PNPLA1: variants seen among roughly 807,000 people sequenced by gnomAD.
PNPLA1 encodes patatin like domain 1, omega-hydroxyceramide transacylase.
PNPLA1 carries 36 observed loss-of-function variants against 51.7 expected under a neutral mutation model. The ratio of observed to expected loss-of-function variants is 0.70; its 90% CI spans 0.53 to 0.92. The LOEUF is 0.92. PNPLA1 is among the 40% of genes least tolerant of loss of function. The probability of loss-of-function intolerance (pLI) is 0.00; values close to 1 mark genes in which losing one functional copy is unlikely to be tolerated. For synonymous variants in PNPLA1, 293 were observed against 280.1 expected (o/e 1.05, Z -0.46); for missense variants, 658 against 682.5 (o/e 0.96, Z 0.40).
Position 36,291,297 on chromosome 6 carries a change from C to G in PNPLA1, c.206-23C>G, listed in dbSNP as rs1465948884. The G allele has an allele frequency of 6.9e-6, 11 of 1,605,412 alleles. No individual in the cohort carries two copies. In the East Asian group the frequency reaches 2.2e-4, roughly 33 times the overall value. ...GGCCACTGGGTGGCACCGACCACCCCCTCTTCTCTGCTTCCTTTGCAGATG... is the reference window on the plus strand; with the variant it reads ...GGCCACTGGGTGGCACCGACCACCCGCTCTTCTCTGCTTCCTTTGCAGATG... On this transcript the variant is annotated intron_variant, in intron 1 of 8. Transcript: ENST00000636260.
chr6:36,282,000 G>A (rs1314203776), intron 1 of PNPLA1, among the ~76,000 whole-genome samples: 1 of 146,098 alleles, frequency 6.8e-6, no homozygotes, highest in Non-Finnish European at 1.5e-5. Flanking sequence ...TCCAGCCTGG[G>A]CAATAAAAGT....
chr6:36,260,485 A>T (rs1278591809), intron 1 of PNPLA1, among the ~76,000 whole-genome samples: 4 of 152,240 alleles, frequency 2.6e-5, no homozygotes, highest in African/African-American at 4.8e-5. Flanking sequence ...AATCAGAAAC[A>T]CATTCACATG....
rs74565753 is a variant in PNPLA1, at chr6:36,252,704, G to A, written c.-81+9443G>A. On this transcript the variant is annotated intron_variant, in intron 1 of 7. Coordinates refer to the PNPLA1 transcript ENST00000312917. ...GAGGACTCAGGGGAAGCCTCGTGGA[G>A]AGGACAGGACATGAAGCATGGCTGA... Among the ~76,000 whole-genome samples, 534 of 152,322 alleles carry A rather than the reference G, an allele frequency of 3.5e-3. 4 individuals carry two copies. The highest frequency in any genetic ancestry group is 0.016 in the South Asian group (75 of 4,828).
rs1771278671 is a variant in PNPLA1 at position 36,307,587 on chromosome 6, G to C, written c.1470G>C (p.Thr490=). The C allele has an allele frequency of 6.2e-7, 1 of 1,613,294 alleles. No homozygotes were observed. Among genetic ancestry groups the C allele is most frequent in the Non-Finnish European group, 8.5e-7 (1 of 1,179,616 alleles). ...CCATCTACTTAATCTCTTTGCCTAG[G>C]GAGAGCCCTGCTGAAGACTCAAACT... is the stretch of plus-strand genomic sequence containing the variant. ...VKETVSKPYV[T]ESPAEDSNWV... is the part of the protein sequence containing the mutation. Residue 490 remains threonine, a splice_region_variant and synonymous_variant, in exon 8 of 9, where the codon ACG becomes ACC. Coordinates refer to ENST00000636260, the MANE Select transcript of PNPLA1 (RefSeq NM_001374623.1).
intron 5 of PNPLA1, among the ~76,000 whole-genome samples, chr6:36,298,252 A>T (rs1170121377): frequency 6.6e-6 from 1 of 152,182 alleles, no homozygotes; most frequent in Non-Finnish European, 1.5e-5. Context: ...GTTGATGGAC[A>T]TTTAGGTTAT....
At position 36,294,645 on chromosome 6, in the gene PNPLA1, T is replaced by C. The variant is rs1156918023; in HGVS notation, c.714+246T>C. Among the ~76,000 whole-genome samples the C allele has an allele frequency of 6.6e-6, 1 of 152,134 alleles. No homozygotes were observed. Among genetic ancestry groups the C allele is most frequent in the Non-Finnish European group, 1.5e-5 (1 of 68,018 alleles). On this transcript the variant is annotated intron_variant, in intron 4 of 8. Transcript: ENST00000636260. This position sits in a 1 kb window ranked among gnomAD's most constrained non-coding sequence, Gnocchi z 4.2. Reference sequence around the variant, plus strand: ...AGCGAGATGATGCCAGAAGTGCTGATAGAAATATTAACTGAACCCATCCAT... The same window carrying C: ...AGCGAGATGATGCCAGAAGTGCTGACAGAAATATTAACTGAACCCATCCAT...
At chr6:36,265,089 C>T (rs534442282), upstream of PNPLA1, among the ~76,000 whole-genome samples, 13 of 152,242 alleles carry the variant, frequency 8.5e-5, no homozygotes, top group South Asian at 8.3e-4. Context: ...GTCTGTAATC[C>T]GAGCATTTTG....
chr6:36,301,506 G>A (rs1435931570), intron 5 of PNPLA1, among the ~76,000 whole-genome samples: 1 of 151,424 alleles, frequency 6.6e-6, no homozygotes, highest in Non-Finnish European at 1.5e-5. Context: ...TCCCTCTGCT[G>A]AAACACCCTC....
rs760745521 is a variant in PNPLA1, at chr6:36,295,427, A to T, written c.775+3A>T. ...AGTTTTGTACTTGAGGCGGCTGAGT[A>T]AGTACCGGTGGGGCCCCAGGTAAGG... is the stretch of plus-strand genomic sequence containing the variant. On this transcript the variant is annotated splice_donor_region_variant and intron_variant, in intron 5 of 8. Transcript: ENST00000636260. The T allele has an allele frequency of 3.1e-6, 5 of 1,614,110 alleles. No homozygotes were observed. The highest frequency in any genetic ancestry group is 4.2e-6 in the Non-Finnish European group (5 of 1,179,990).
chr6:36,265,405 A>G (rs1372102592), upstream of PNPLA1, among the ~76,000 whole-genome samples: 1 of 152,200 alleles, frequency 6.6e-6, no homozygotes, highest in Non-Finnish European at 1.5e-5. Context: ...GAGAAAAAAA[A>G]TCTACTTCTT....
chr6:36,296,397 A>C (rs1431435239), intron 5 of PNPLA1, among the ~76,000 whole-genome samples: 1 of 152,238 alleles, frequency 6.6e-6, no homozygotes, highest in Admixed American at 6.5e-5. Flanking sequence ...CCTTGTTGCC[A>C]CATGTCTTTG....
chr6:36,281,774 C>A (rs561842715), intron 1 of PNPLA1, among the ~76,000 whole-genome samples: 1 of 152,192 alleles, frequency 6.6e-6, no homozygotes, highest in Non-Finnish European at 1.5e-5. Flanking sequence ...AGTCCCAGCA[C>A]TTTGGGAGGC....
chr6:36,297,237 G>C (rs1229551345), intron 5 of PNPLA1, among the ~76,000 whole-genome samples: 1 of 152,134 alleles, frequency 6.6e-6, no homozygotes, highest in Non-Finnish European at 1.5e-5. Flanking sequence ...AGCTATTTTT[G>C]CTTCCTCTTC....
chr6:36,311,319 T>A (rs1206488484), intron 8 of PNPLA1, among the ~76,000 whole-genome samples: 1 of 152,026 alleles, frequency 6.6e-6, no homozygotes, highest in Non-Finnish European at 1.5e-5. Flanking sequence ...GATAAGGGTG[T>A]GGGAGGGTAT....
At chr6:36,286,970 A>C (rs1482840206) in intron 1 of PNPLA1, among the ~76,000 whole-genome samples, 2 of 152,038 alleles carry the variant, frequency 1.3e-5, no homozygotes, top group African/African-American at 4.8e-5. Context: ...ACAGGCATGA[A>C]CCACCACACC....
intron 1 of PNPLA1, among the ~76,000 whole-genome samples, chr6:36,259,398 G>GA (rs551308303): frequency 9.2e-5 from 14 of 151,610 alleles, no homozygotes; most frequent in South Asian, 4.2e-4. Context: ...TGTGTTTAAA[G>GA]AAAAAAAATA....
intron 2 of PNPLA1, 133 bp downstream of exon 2, chr6:36,291,685 C>A: frequency 1.3e-6 from 1 of 776,974 alleles, no homozygotes; most frequent in Non-Finnish European, 2.1e-6. Context: ...CTTCATGCCC[C>A]CAGAGTCTCG....
intron 1 of PNPLA1, among the ~76,000 whole-genome samples, chr6:36,287,723 A>T (rs1166544039): frequency 5.3e-5 from 8 of 151,558 alleles, no homozygotes; most frequent in African/African-American, 1.9e-4. Context: ...AGACACAGAG[A>T]AAGACAGTCA....
chr6:36,296,879 TACTA>T (rs1438052143), intron 5 of PNPLA1, among the ~76,000 whole-genome samples: 1 of 152,204 alleles, frequency 6.6e-6, no homozygotes, highest in Non-Finnish European at 1.5e-5. Flanking sequence ...TCCTGACACC[TACTA>T]ACTGTGTGAT....
Sources: allele counts gnomAD v4.1 joint callset (sites outside exome capture counted in the v4.1 genomes callset), GRCh38; gene constraint gnomAD v4.1.1; non-coding constraint Gnocchi (gnomAD v3.1); transcripts MANE v1.5; gene names NCBI Gene and HGNC (gene_info 2026-07-23, HGNC 2026-07-21).